Variants in PLXND1 observed in about 807,000 individuals in gnomAD.
The protein encoded by PLXND1 is plexin-D1.
PLXND1 carries 54 observed loss-of-function variants against 197.7 expected under a neutral mutation model. The observed-to-expected ratio is 0.27, with a 90% CI of 0.22 to 0.34. PLXND1 has a LOEUF of 0.34. Ranked by LOEUF, PLXND1 falls within the 10% of genes least tolerant of loss-of-function variation. The pLI is 1.00. For missense variants in PLXND1, 2,127 were observed against 2,699.2 expected (o/e 0.79, Z 4.70); for synonymous variants, 1,180 against 1,161.2 (o/e 1.02, Z -0.33).
chr3:129,566,142 G>T, intron 23 of PLXND1, 125 bp from the exon 24 acceptor site: 1 of 926,670 alleles, frequency 1.1e-6, no homozygotes, highest in Non-Finnish European at 1.7e-6. Context: ...CTTCCACGGT[G>T]GATGCCTCCT....
chr3:129,564,738 T>C (rs903633827), intron 25 of PLXND1, among the ~76,000 whole-genome samples: 8 of 152,238 alleles, frequency 5.3e-5, no homozygotes, highest in Admixed American at 5.2e-4. Context: ...ATCCAGAAGA[T>C]TCTTTGGCCT....
intron 5 of PLXND1, 146 bp downstream of exon 5, chr3:129,585,806 G>T: frequency 2.7e-6 from 3 of 1,128,558 alleles, no homozygotes; most frequent in Non-Finnish European, 2.6e-6. Context: ...GGTCAGGAAA[G>T]CCCAGTCATT....
At chr3:129,559,350 G>A (rs1214367075) in intron 32 of PLXND1, 1 of 373,652 alleles carries the variant, frequency 2.7e-6, no homozygotes, top group East Asian at 4.5e-5. Context: ...CCTGAGAGGG[G>A]TGCGGGAGAA....
Position 129,560,372 on chromosome 3 carries a change from C to T in PLXND1, c.5091G>A (p.Lys1697=). 1 of 1,614,022 alleles carries T rather than the reference C, an allele frequency of 6.2e-7. No homozygotes were observed. Among genetic ancestry groups the T allele is most frequent in the South Asian group, 1.1e-5 (1 of 91,074 alleles). ...GGGTCAGGTAGATTTCCGGGAGCAC[C>T]TTCTTGCGATGGCTCTGCCGGTGAG... ...KKSHRQSHRK[K]VLPEIYLTRL... Residue 1697 remains lysine, a synonymous_variant, in exon 31 of 36, where the codon AAG becomes AAA. Coordinates refer to ENST00000324093, the MANE Select transcript of PLXND1 (RefSeq NM_015103.3).
rs552585270 is a variant in PLXND1, at chr3:129,570,903, G to C, written c.3633C>G (p.His1211Gln). The part of the protein sequence containing the change: ...KEQDSLGLQS[H>Q]EYRVKIGQVS... ...CTTGGCCTATCTTGACCCGGTACTC[G>C]TGACTCTGGAGCCCCAGGCTGTCCT... The change falls in exon 19 of 36, where the codon CAC (histidine) becomes CAG (glutamine). Residue 1211 changes from histidine (H) to glutamine (Q), a missense_variant. His to Gln is a conservative substitution (Grantham distance 24). This residue lies in a region of PLXND1 where 532 missense variants were observed against 811.0 expected (regional missense o/e 0.66). Transcript: ENST00000324093. 2 of 1,614,198 alleles carry C rather than the reference G, an allele frequency of 1.2e-6. No individual in the cohort carries two copies. Among genetic ancestry groups the C allele is most frequent in the Admixed American group, 1.7e-5 (1 of 60,026 alleles).
intron 34 of PLXND1, 136 bp downstream of exon 34, chr3:129,556,947 G>A: frequency 1.0e-6 from 1 of 970,746 alleles, no homozygotes; most frequent in Non-Finnish European, 1.5e-6. Context: ...TTGCAGGCCA[G>A]CAAGAGGCCA....
intron 1 of PLXND1, among the ~76,000 whole-genome samples, chr3:129,597,666 G>T (rs1375794814): frequency 6.6e-6 from 1 of 152,270 alleles, no homozygotes; most frequent in African/African-American, 2.4e-5. Context: ...CTGGCCCCCA[G>T]ATCTTGACTG....
At chr3:129,603,360 T>C (rs913971816) in intron 1 of PLXND1, among the ~76,000 whole-genome samples, 5 of 152,098 alleles carry the variant, frequency 3.3e-5, no homozygotes, top group Non-Finnish European at 7.4e-5. Flanking sequence ...ACCAGAATGG[T>C]TCTTGCCAGA....
intron 8 of PLXND1, among the ~76,000 whole-genome samples, chr3:129,579,998 G>A (rs948179272): frequency 6.6e-6 from 1 of 152,112 alleles, no homozygotes; most frequent in Non-Finnish European, 1.5e-5. Context: ...TGCTGGGACC[G>A]TTCTGAGCAC....
chr3:129,570,097 A>C, intron 19 of PLXND1, 140 bp from the exon 20 acceptor site: 1 of 639,426 alleles, frequency 1.6e-6, no homozygotes, highest in Middle Eastern at 2.8e-4. Context: ...AGAGATAACA[A>C]TGTCCACCTC....
rs1352256671 is a variant in PLXND1, at chr3:129,561,670, T to C, written c.4969A>G (p.Lys1657Glu). Residue 1657 changes from lysine to glutamate, a missense_variant, in exon 29 of 36, where the codon AAG becomes GAG. By Grantham distance (56) the Lys-to-Glu change is moderately conservative (BLOSUM62 1). Transcript: ENST00000324093. ...GASLAMSLID[K>E]KDNTLGRVKD... The stretch of plus-strand genomic sequence containing the variant: ...CCTCGGCCCAGTGTGTTGTCCTTCT[T>C]GTCTATGAGACTCATGGCCAGGGAG... 1.9e-6 allele frequency: 3 copies of C among 1,608,636 alleles called. No individual in the cohort carries two copies. The East Asian group carries it at 6.7e-5, about 36-fold the overall frequency.
Position 129,586,202 on chromosome 3 carries a change from G to T in PLXND1, c.1691C>A (p.Ala564Asp). The T allele has an allele frequency of 6.2e-7, 1 of 1,604,332 alleles. No individual in the cohort carries two copies. ...TCGDCVGAAD[A>D]YCGWCALETR... is the part of the protein sequence containing the mutation. ...CTCCAGGGCACACCAGCCGCAGTAGGCGTCCGCCGCACCCACGCAGTCCCC... is the reference window on the plus strand; with the variant it reads ...CTCCAGGGCACACCAGCCGCAGTAGTCGTCCGCCGCACCCACGCAGTCCCC... Residue 564 changes from alanine (A) to aspartate (D), a missense_variant, in exon 4 of 36, where the codon GCC becomes GAC. Around this residue, in one of 6 missense-constraint regions of PLXND1, gnomAD observed 1,095 missense variants for 1,259.8 expected, o/e 0.87. Transcript: ENST00000324093.
At chr3:129,565,675 G>C (rs1308517837) in intron 24 of PLXND1, 137 bp from the exon 25 acceptor site, 30 of 882,016 alleles carry the variant, frequency 3.4e-5, no homozygotes, top group Non-Finnish European at 5.1e-5. Flanking sequence ...GGGGTGAGTG[G>C]GGCTAGAATC....
At chr3:129,598,846 T>C (rs1344202244) in intron 1 of PLXND1, among the ~76,000 whole-genome samples, 1 of 152,116 alleles carries the variant, frequency 6.6e-6, no homozygotes, top group African/African-American at 2.4e-5. Context: ...TCAGGCAAGA[T>C]GCTTAACCCT....
At chr3:129,556,457 C>A in intron 35 of PLXND1, 29 bp from the exon 36 acceptor site, 1 of 1,566,264 alleles carries the variant, frequency 6.4e-7, no homozygotes, top group South Asian at 1.1e-5. Context: ...TCAGCCGGGC[C>A]ATGGCCGGTA....
intron 1 of PLXND1, among the ~76,000 whole-genome samples, chr3:129,599,190 GTTTCCTT>G (rs2085669984): frequency 6.6e-6 from 1 of 152,192 alleles, no homozygotes; most frequent in Admixed American, 6.5e-5. Context: ...AACCCAGCTG[GTTTCCTT>G]AATCTCCATG....
In PLXND1 at chr3:129,556,233, G is replaced by T; in HGVS notation, c.*79C>A. 8.4e-6 allele frequency: 8 copies of T among 956,760 alleles called. No homozygotes were observed. In the South Asian group the frequency reaches 9.7e-5, roughly 12 times the overall value. The allele number at this position is 956,760 out of a possible 1,614,324, so 59.3% of individuals were successfully genotyped here. A position where few individuals can be genotyped will look rare whatever the true frequency, so the allele number is the denominator to read the frequency against. ...CAGTATTTCCCAGTCTGAGTCACAGGCACGGGGTAGAAGATCAAGTTGAGG... is the reference window on the plus strand; with the variant it reads ...CAGTATTTCCCAGTCTGAGTCACAGTCACGGGGTAGAAGATCAAGTTGAGG... On this transcript the variant is annotated 3_prime_UTR_variant, in exon 36 of 36. Coordinates refer to ENST00000324093, the MANE Select transcript of PLXND1 (RefSeq NM_015103.3).
chr3:129,567,456 G>A, intron 22 of PLXND1, 36 bp downstream of exon 22: 1 of 1,275,682 alleles, frequency 7.8e-7, no homozygotes, highest in Non-Finnish European at 1.1e-6. Flanking sequence ...TGAGGTGGCT[G>A]GCACAGGTTC....
At chr3:129,596,869 C>G (rs1188627195) in intron 1 of PLXND1, among the ~76,000 whole-genome samples, 1 of 152,136 alleles carries the variant, frequency 6.6e-6, no homozygotes, top group Non-Finnish European at 1.5e-5. Context: ...CTGCTTGGAG[C>G]CTTGCGCAAA....
Sources: allele counts gnomAD v4.1 joint callset (sites outside exome capture counted in the v4.1 genomes callset), GRCh38; gene constraint gnomAD v4.1.1; regional missense constraint gnomAD v4.1.1; transcripts MANE v1.5; gene names NCBI Gene and HGNC (gene_info 2026-07-23, HGNC 2026-07-21).